KIZ: variants seen among roughly 807,000 people sequenced by gnomAD.
KIZ encodes centrosomal protein kizuna.
Under a neutral mutation model 79.6 loss-of-function variants are expected in KIZ, and 68 were observed. That is an observed-to-expected ratio of 0.85 (90% CI 0.70 to 1.05). The LOEUF is 1.05. KIZ is among the 50% of genes least tolerant of loss of function. KIZ has a pLI of 0.00. For synonymous variants in KIZ, 280 were observed against 281.8 expected (o/e 0.99, Z 0.06); for missense variants, 797 against 800.4 (o/e 1.00, Z 0.05).
intron 9 of KIZ, among the ~76,000 whole-genome samples, chr20:21,220,594 G>A (rs376693075): frequency 1.4e-4 from 22 of 151,860 alleles, no homozygotes; most frequent in Admixed American, 1.3e-3. Flanking sequence ...AGCGATTCTC[G>A]TGCCACAGCC....
intron 6 of KIZ, among the ~76,000 whole-genome samples, chr20:21,201,577 T>C (rs2035600227): frequency 6.6e-6 from 1 of 152,262 alleles, no homozygotes; most frequent in Admixed American, 6.5e-5. Context: ...TTACTCTGCA[T>C]TTAAAGTTAG....
At chr20:21,210,303 G>A (rs908672133) in intron 7 of KIZ, among the ~76,000 whole-genome samples, 3 of 151,924 alleles carry the variant, frequency 2.0e-5, no homozygotes, top group African/African-American at 2.4e-5. Context: ...GCGAGACTCC[G>A]TCTTTAATAA....
At chr20:21,156,130 A>G (rs1215822138) in intron 4 of KIZ, among the ~76,000 whole-genome samples, 2 of 152,236 alleles carry the variant, frequency 1.3e-5, no homozygotes, top group Admixed American at 6.5e-5. Flanking sequence ...TTGCAGAGAT[A>G]GTACAAAGTG....
At chr20:21,179,668 T>G (rs1220949387) in intron 6 of KIZ, among the ~76,000 whole-genome samples, 1 of 152,158 alleles carries the variant, frequency 6.6e-6, no homozygotes. Flanking sequence ...GGTTGTTGAT[T>G]TAAGCTTTTC....
intron 6 of KIZ, among the ~76,000 whole-genome samples, chr20:21,173,758 G>C (rs907748718): frequency 6.6e-6 from 1 of 151,996 alleles, no homozygotes; most frequent in African/African-American, 2.4e-5. Context: ...AGAAGTTTTG[G>C]GTATGTTAGA....
intron 6 of KIZ, among the ~76,000 whole-genome samples, chr20:21,181,032 C>T (rs1027137290): frequency 2.2e-4 from 33 of 152,130 alleles, no homozygotes; most frequent in African/African-American, 7.5e-4. Context: ...AGTAGGTAAC[C>T]GGAATAACCA....
chr20:21,199,728 G>C (rs1383110540), intron 6 of KIZ, among the ~76,000 whole-genome samples: 2 of 152,142 alleles, frequency 1.3e-5, no homozygotes. Flanking sequence ...ATCATCACCT[G>C]GCCAGTTTGA....
chr20:21,168,488 G>A (rs371276116), intron 6 of KIZ, among the ~76,000 whole-genome samples: 1 of 152,246 alleles, frequency 6.6e-6, no homozygotes, highest in Admixed American at 6.5e-5. Context: ...AATCAATATC[G>A]TGAAAATGGC....
At chr20:21,237,061 G>T (rs2123476594) in intron 11 of KIZ, among the ~76,000 whole-genome samples, 1 of 151,922 alleles carries the variant, frequency 6.6e-6, no homozygotes, top group African/African-American at 2.4e-5. Context: ...CAGTACTTTG[G>T]GAGGCCAAGG....
At chr20:21,141,474 CAA>C in intron 3 of KIZ, among the ~76,000 whole-genome samples, 1 of 151,652 alleles carries the variant, frequency 6.6e-6, no homozygotes, top group East Asian at 1.9e-4. Flanking sequence ...GGGAATTAAC[CAA>C]ACACTCTCCA....
chr20:21,167,105 A>G (rs1235877726), intron 6 of KIZ, among the ~76,000 whole-genome samples: 1 of 152,344 alleles, frequency 6.6e-6, no homozygotes, highest in Non-Finnish European at 1.5e-5. Context: ...CATCTCCAGC[A>G]GACACCTTAA....
intron 7 of KIZ, 116 bp downstream of exon 7, chr20:21,205,700 C>T (rs980189296): frequency 2.8e-5 from 15 of 532,524 alleles, no homozygotes; most frequent in African/African-American, 2.0e-4. Context: ...CCGTGGCTCA[C>T]GCCTGTAATC....
chr20:21,212,031 A>G (rs911490345), intron 7 of KIZ, among the ~76,000 whole-genome samples: 41 of 152,150 alleles, frequency 2.7e-4, no homozygotes, highest in Non-Finnish European at 1.0e-4. Flanking sequence ...GGAGGTTACA[A>G]TGAGCCAAGA....
At position 21,136,378 on chromosome 20, in the gene KIZ, T is replaced by C. The variant is rs972202462; in HGVS notation, c.153-12T>C. On this transcript the variant is annotated splice_polypyrimidine_tract_variant and intron_variant, in intron 2 of 12. Transcript: ENST00000619189. ...CTAGTCCATTGTTTTAAAACTGCTT[T>C]TAATTTTCTAGAGTTAAGCTGAAAT... is the stretch of plus-strand genomic sequence containing the variant. 6.9e-7 allele frequency: 1 copy of C among 1,448,950 alleles called. No homozygotes were observed. The highest frequency in any genetic ancestry group is 9.4e-7 in the Non-Finnish European group (1 of 1,061,582). The allele number at this position is 1,448,950 out of a possible 1,614,324, so 89.8% of individuals were successfully genotyped here. A position where few individuals can be genotyped will look rare whatever the true frequency, so the allele number is the denominator to read the frequency against.
intron 6 of KIZ, chr20:21,198,319 C>T (rs1307847238): frequency 2.0e-5 from 3 of 152,432 alleles, no homozygotes; most frequent in Non-Finnish European, 2.9e-5. Context: ...GCCTCGGCCT[C>T]CCAAAGTGCT....
chr20:21,159,478 T>C (rs552110658), intron 4 of KIZ, among the ~76,000 whole-genome samples: 1 of 152,310 alleles, frequency 6.6e-6, no homozygotes, highest in East Asian at 1.9e-4. Flanking sequence ...TGGGAATCAC[T>C]GTTTACCTCC....
intron 9 of KIZ, among the ~76,000 whole-genome samples, chr20:21,222,535 G>T (rs1386424216): frequency 2.0e-5 from 3 of 152,206 alleles, no homozygotes; most frequent in Non-Finnish European, 4.4e-5. Flanking sequence ...TTAATAAAAT[G>T]AGGGGTTGGA....
chr20:21,138,570 T>G (rs1257825941), intron 3 of KIZ, among the ~76,000 whole-genome samples: 1 of 152,206 alleles, frequency 6.6e-6, no homozygotes, highest in Non-Finnish European at 1.5e-5. Context: ...AGGTTATACT[T>G]CCAACTGCAT....
At chr20:21,217,783 T>C (rs2036353450) in intron 9 of KIZ, among the ~76,000 whole-genome samples, 1 of 152,248 alleles carries the variant, frequency 6.6e-6, no homozygotes, top group African/African-American at 2.4e-5. Flanking sequence ...AATATTCATG[T>C]GAACATTATT....
Sources: gnomAD v4.1 joint callset for allele counts (sites outside exome capture counted in the v4.1 genomes callset) on GRCh38, gnomAD v4.1.1 for gene constraint, MANE v1.5 for transcripts, NCBI Gene and HGNC (gene_info 2026-07-23, HGNC 2026-07-21) for gene names.